PCDHGB2: variants seen among roughly 807,000 people sequenced by gnomAD.
PCDHGB2 encodes protocadherin gamma-B2.
Under a neutral mutation model 59.3 loss-of-function variants are expected in PCDHGB2, and 55 were observed. The ratio of observed to expected loss-of-function variants is 0.93; its 90% CI spans 0.75 to 1.16. The LOEUF is 1.16. Ranked by LOEUF, PCDHGB2 falls within the 50% of genes most tolerant of loss-of-function variation. PCDHGB2 has a pLI of 0.00. For synonymous variants in PCDHGB2, 516 were observed against 512.0 expected, an observed-to-expected ratio of 1.01 and a Z score of -0.11; for missense variants, 1,228 against 1,198.5, an observed-to-expected ratio of 1.02 and a Z score of -0.36.
rs542548063 is a variant in PCDHGB2, at chr5:141,412,999, C to T, written c.2421+50443C>T. On this transcript the variant is annotated intron_variant, in intron 1 of 3. Coordinates refer to ENST00000522605, the MANE Select transcript of PCDHGB2 (RefSeq NM_018923.3). Reference sequence around the variant, plus strand: ...GCAGCCAGAGCTCAATCCGGATTCTCAGGGCTTCAACTACACAAGCCCCAC... The same window carrying T: ...GCAGCCAGAGCTCAATCCGGATTCTTAGGGCTTCAACTACACAAGCCCCAC... 150 of 588,234 alleles carry T rather than the reference C, an allele frequency of 2.6e-4. 1 individual carries two copies. In the South Asian group the frequency reaches 3.6e-3, roughly 14 times the overall value. 36.4% of individuals were successfully genotyped at this position (588,234 alleles called of 1,614,324 possible). A position where few individuals can be genotyped will look rare whatever the true frequency, so the allele number is the denominator to read the frequency against.
chr5:141,477,268 C>A lies in PCDHGB2; in HGVS notation c.2422-17539C>A, dbSNP rs2099408532. On this transcript the variant is annotated intron_variant, in intron 1 of 3. Transcript: ENST00000522605. This position sits in a 1 kb window ranked among gnomAD's most constrained non-coding sequence, Gnocchi z 4.9. ...TGACTGACCTGGATGCTGGCGAGAA[C>A]GGGCTGGTGACCTGCGAAGTTCCAC... 1.2e-6 allele frequency: 2 copies of A among 1,614,078 alleles called. No individual in the cohort carries two copies. Among genetic ancestry groups the A allele is most frequent in the Non-Finnish European group, 1.7e-6 (2 of 1,180,038 alleles).
chr5:141,430,661 GCT>G, intron 1 of PCDHGB2: 1 of 1,159,744 alleles, frequency 8.6e-7, no homozygotes, highest in South Asian at 2.1e-5. Flanking sequence ...CAACGGAGGA[GCT>G]CTGACTTCCC....
intron 1 of PCDHGB2, chr5:141,393,544 A>T: frequency 6.2e-7 from 1 of 1,613,800 alleles, no homozygotes; most frequent in East Asian, 2.2e-5. Context: ...GTTTTTCCTC[A>T]CCCGATTTAC....
At chr5:141,408,791 G>C (rs1260366830) in intron 1 of PCDHGB2, 1 of 1,612,540 alleles carries the variant, frequency 6.2e-7, no homozygotes, top group East Asian at 2.2e-5. Context: ...GTTATCTCTG[G>C]AGAAACTCCT....
chr5:141,361,317 G>A lies in PCDHGB2; in HGVS notation c.1182G>A (p.Leu394=). 2 of 1,613,944 alleles carry A rather than the reference G, an allele frequency of 1.2e-6. No individual in the cohort carries two copies. The highest frequency in any genetic ancestry group is 8.5e-7 in the Non-Finnish European group (1 of 1,179,894). ...TGTTGGGAAATGCCAAGTTTATTTT[G>A]AAATCTTCCTCAAAGAACTATTACA... ...CQVLGNAKFI[L]KSSSKNYYKL... is the part of the protein sequence containing the mutation. Residue 394 remains leucine, a synonymous_variant, in exon 1 of 4, where the codon TTG becomes TTA. Coordinates refer to ENST00000522605, the MANE Select transcript of PCDHGB2 (RefSeq NM_018923.3).
chr5:141,366,162 C>A (rs1037452604), intron 1 of PCDHGB2: 1 of 1,614,110 alleles, frequency 6.2e-7, no homozygotes, highest in South Asian at 1.1e-5. Context: ...CTGCTTAAGG[C>A]CAGCGAGCCA....
chr5:141,475,721 G>A (rs867365261), intron 1 of PCDHGB2, among the ~76,000 whole-genome samples: 1 of 152,248 alleles, frequency 6.6e-6, no homozygotes. Context: ...ACAGCCCCAA[G>A]GCTGGCTTTC....
intron 1 of PCDHGB2, chr5:141,395,381 A>G (rs562557513): frequency 2.0e-4 from 223 of 1,094,768 alleles, no homozygotes; most frequent in African/African-American, 1.2e-3. Context: ...TGGTGTTACT[A>G]TAAAATTGAA....
chr5:141,414,209 A>G (rs2095719803), intron 1 of PCDHGB2: 3 of 1,612,712 alleles, frequency 1.9e-6, no homozygotes, highest in South Asian at 2.2e-5. Flanking sequence ...GAAGATGTAA[A>G]TGACAACAGT....
At chr5:141,370,963 G>T (rs1281017777) in intron 1 of PCDHGB2, 1 of 1,614,018 alleles carries the variant, frequency 6.2e-7, no homozygotes, top group Non-Finnish European at 8.5e-7. Context: ...GATGGCAGTA[G>T]GTACCCAGAG....
At chr5:141,366,858 A>G (rs1764831423) in intron 1 of PCDHGB2, 1 of 1,440,284 alleles carries the variant, frequency 6.9e-7, no homozygotes, top group Admixed American at 2.3e-5. Context: ...GTGGAACATT[A>G]TTTGCTGTAT....
At chr5:141,507,443 G>A (rs2099860678) in intron 3 of PCDHGB2, among the ~76,000 whole-genome samples, 2 of 152,200 alleles carry the variant, frequency 1.3e-5, no homozygotes. Flanking sequence ...TACAGCTGAC[G>A]GAAGGACAGA....
At position 141,476,675 on chromosome 5, in the gene PCDHGB2, C is replaced by T. The variant is rs2099395961; in HGVS notation, c.2422-18132C>T. On this transcript the variant is annotated intron_variant, in intron 1 of 3. Transcript: ENST00000522605. The surrounding 1 kb of genome is among the most constrained non-coding windows in gnomAD (Gnocchi z 7.6). ...ATACTTTGCGCTTCGCGTGCAGACG[C>T]GGGAGGACAGCACCAAGTACGCGGA... 1.2e-6 allele frequency: 2 copies of T among 1,614,124 alleles called. No homozygotes were observed. The highest frequency in any genetic ancestry group is 8.5e-7 in the Non-Finnish European group (1 of 1,180,062).
chr5:141,459,503 A>T (rs1346447458), intron 1 of PCDHGB2, among the ~76,000 whole-genome samples: 1 of 152,242 alleles, frequency 6.6e-6, no homozygotes, highest in Non-Finnish European at 1.5e-5. Flanking sequence ...AGTGATGTGA[A>T]CAATCATGTA....
chr5:141,494,688 A>T (rs2099756168), intron 1 of PCDHGB2, 119 bp from the exon 2 acceptor site: 1 of 1,576,254 alleles, frequency 6.3e-7, no homozygotes, highest in Non-Finnish European at 8.6e-7. Context: ...GCCCCCTCTT[A>T]GTCCGTTTTC....
At chr5:141,501,901 C>T (rs1595767273) in intron 2 of PCDHGB2, among the ~76,000 whole-genome samples, 1 of 152,070 alleles carries the variant, frequency 6.6e-6, no homozygotes, top group Non-Finnish European at 1.5e-5. Context: ...TGGTTCCAAC[C>T]CCACTGTTCC....
At chr5:141,446,502 A>G (rs1178198384) in intron 1 of PCDHGB2, among the ~76,000 whole-genome samples, 5 of 150,732 alleles carry the variant, frequency 3.3e-5, no homozygotes, top group Non-Finnish European at 7.4e-5. Context: ...TTTGAGATGG[A>G]GTCTCGCTCT....
intron 1 of PCDHGB2, among the ~76,000 whole-genome samples, chr5:141,472,039 A>T (rs913132856): frequency 1.3e-5 from 2 of 152,200 alleles, no homozygotes; most frequent in Non-Finnish European, 2.9e-5. Context: ...AGCTGTGAAA[A>T]GATTTTAAAA....
At position 141,383,792 on chromosome 5, in the gene PCDHGB2, C is replaced by T. The variant is rs766483523; in HGVS notation, c.2421+21236C>T. On this transcript the variant is annotated intron_variant, in intron 1 of 3. Coordinates refer to ENST00000522605, the MANE Select transcript of PCDHGB2 (RefSeq NM_018923.3). ...AAGATGTTTCATCTGAACTCGCTTA[C>T]AGGAGAAATATCAACTTTAGAAGGA... 2 of 1,613,914 alleles carry T rather than the reference C, an allele frequency of 1.2e-6. No homozygotes were observed. The highest frequency in any genetic ancestry group is 1.1e-5 in the South Asian group (1 of 91,080).
Sources: allele counts gnomAD v4.1 joint callset (sites outside exome capture counted in the v4.1 genomes callset), GRCh38; gene constraint gnomAD v4.1.1; non-coding constraint Gnocchi (gnomAD v3.1); transcripts MANE v1.5; gene names NCBI Gene and HGNC (gene_info 2026-07-23, HGNC 2026-07-21).